CCDC154: variants seen among roughly 807,000 people sequenced by gnomAD.
The protein encoded by CCDC154 is coiled-coil domain containing 154.
A neutral mutation model predicts 87.5 loss-of-function variants in CCDC154; 91 were observed. The ratio of observed to expected loss-of-function variants is 1.04; its 90% CI spans 0.88 to 1.24. The LOEUF is 1.24. Among genes scored for constraint, CCDC154 ranks in the 50% most tolerant of loss-of-function variants. The pLI is 0.00. For missense variants in CCDC154, 903 were observed against 879.2 expected (o/e 1.03, Z -0.34); for synonymous variants, 418 against 400.4 (o/e 1.04, Z -0.52).
chr16:1,442,717 G>A (rs1477548640), intron 5 of CCDC154, among the ~76,000 whole-genome samples, 163 bp downstream of exon 5: 1 of 152,236 alleles, frequency 6.6e-6, no homozygotes, highest in Non-Finnish European at 1.5e-5. Flanking sequence ...CCCACAGAGG[G>A]TCCGCAGCGG....
Position 1,438,125 on chromosome 16 carries a change from A to G in CCDC154, c.1077T>C (p.Tyr359=), listed in dbSNP as rs2038518961. The change falls in exon 10 of 17, where the codon TAT becomes TAC. Residue 359 remains tyrosine, a synonymous_variant. Coordinates refer to ENST00000389176, the MANE Select transcript of CCDC154 (RefSeq NM_001143980.3). ...EESRAGELAA[Y]VQENLEAAQL... ...GTGCGGCCTCCAGGTTCTCCTGCACATAGGCGGCCAGCTCCCCAGCCCGGC... is the reference window on the plus strand; with the variant it reads ...GTGCGGCCTCCAGGTTCTCCTGCACGTAGGCGGCCAGCTCCCCAGCCCGGC... 1.3e-6 allele frequency: 2 copies of G among 1,547,948 alleles called. No individual in the cohort carries two copies. Among genetic ancestry groups the G allele is most frequent in the Admixed American group, 2.0e-5 (1 of 50,906 alleles).
chr16:1,444,221 G>A (rs1424992670), intron 1 of CCDC154, 95 bp downstream of exon 1: 8 of 1,230,196 alleles, frequency 6.5e-6, no homozygotes, highest in Admixed American at 2.5e-5. Context: ...AGGAACAAGC[G>A]AGCTGGAGGG....
intron 11 of CCDC154, 137 bp from the exon 12 acceptor site, chr16:1,436,948 G>C (rs377143043): frequency 8.0e-7 from 1 of 1,251,756 alleles, no homozygotes; most frequent in Non-Finnish European, 1.1e-6. Context: ...GCACAGGCCT[G>C]CAGGCGGCTG....
chr16:1,435,524 G>GT (rs113604759), intron 14 of CCDC154, among the ~76,000 whole-genome samples: 1 of 135,186 alleles, frequency 7.4e-6, no homozygotes, highest in African/African-American at 3.3e-5. Flanking sequence ...TTTTGTTTTT[G>GT]TTTTGTTTTG....
At position 1,443,725 on chromosome 16, in the gene CCDC154, C is replaced by G; in HGVS notation, c.225-30G>C. 2.3e-6 allele frequency: 3 copies of G among 1,299,724 alleles called. No individual in the cohort carries two copies. In the South Asian group the frequency reaches 3.7e-5, roughly 16 times the overall value. 80.5% of individuals were successfully genotyped at this position (1,299,724 alleles called of 1,614,324 possible). ...CCGGGGCGAGAGTGGGCGAGTCTGG[C>G]GGTGCCCGCCGTGGAGGCGGAGGCG... is the stretch of plus-strand genomic sequence containing the variant. On this transcript the variant is annotated intron_variant, in intron 2 of 16. Transcript: ENST00000389176.
rs1383180061 is a variant in CCDC154, at chr16:1,434,523, C to T, written c.1889G>A (p.Trp630Ter). ...CCTGAGCTTTATGAGGGACGCCTTC[C>T]AGCGCAGCCACCTGTCCAGAGATGC... Reference protein sequence around the residue: ...GVYQAVRWLRWKASLIKLRAL... With the variant: ...GVYQAVRWLR The change falls in exon 17 of 17, where the codon TGG (tryptophan) becomes TAG (stop). Residue 630 changes from tryptophan (W) to a stop codon, truncating the protein, a stop_gained. Transcript: ENST00000389176. LOFTEE classifies it low-confidence loss of function (END_TRUNC). The T allele has an allele frequency of 1.9e-6, 3 of 1,546,968 alleles. No homozygotes were observed. Among genetic ancestry groups the T allele is most frequent in the Non-Finnish European group, 2.6e-6 (3 of 1,145,892 alleles).
At position 1,443,489 on chromosome 16, in the gene CCDC154, G is replaced by T. The variant is rs748575112; in HGVS notation, c.414+17C>A. 460 of 1,432,910 alleles carry T rather than the reference G, an allele frequency of 3.2e-4. 1 individual carries two copies. Among genetic ancestry groups the T allele is most frequent in the Admixed American group, 4.1e-4 (15 of 36,186 alleles). 88.8% of individuals were successfully genotyped at this position (1,432,910 alleles called of 1,614,324 possible). ...AGGAAAGGGGCAGCTCGACCTGTGGGTGGGGGAGCCGCTCACCTCCGGCGC... is the reference window on the plus strand; with the variant it reads ...AGGAAAGGGGCAGCTCGACCTGTGGTTGGGGGAGCCGCTCACCTCCGGCGC... On this transcript the variant is annotated intron_variant, in intron 3 of 16. Coordinates refer to ENST00000389176, the MANE Select transcript of CCDC154 (RefSeq NM_001143980.3).
Position 1,443,887 on chromosome 16 carries a change from G to A in CCDC154, c.133C>T (p.Leu45Phe), listed in dbSNP as rs1192528334. 1.5e-6 allele frequency: 2 copies of A among 1,304,202 alleles called. No homozygotes were observed. The highest frequency in any genetic ancestry group is 1.5e-5 in the African/African-American group (1 of 66,016). 80.8% of individuals were successfully genotyped at this position (1,304,202 alleles called of 1,614,324 possible). The change falls in exon 2 of 17, where the codon CTC becomes TTC. Residue 45 changes from leucine to phenylalanine, a missense_variant. By Grantham distance (22) the Leu-to-Phe change is conservative. Transcript: ENST00000389176. The stretch of plus-strand genomic sequence containing the variant: ...TGGCTGGACTCATACCTCTCCGAGA[G>A]CTCCTCCAGGCTCAAGGGCTCGGGG... ...ASPEPLSLEELSERYESSHPT... is the reference protein window; with the variant it reads ...ASPEPLSLEEFSERYESSHPT...
At chr16:1,443,473 G>C (rs369221158) in intron 3 of CCDC154, 33 bp downstream of exon 3, 110 of 1,440,738 alleles carry the variant, frequency 7.6e-5, no homozygotes, top group East Asian at 6.7e-4. Context: ...CAGGAAAGGG[G>C]CAGCTCGACC....
chr16:1,435,996 G>A lies in CCDC154; in HGVS notation c.1578C>T (p.Ile526=), dbSNP rs767862153. The change falls in exon 14 of 17, where the codon ATC becomes ATT. Residue 526 remains isoleucine (I), a synonymous_variant. Coordinates refer to ENST00000389176, the MANE Select transcript of CCDC154 (RefSeq NM_001143980.3). ...LLKEDNPGRK[I]AEMQGKLATF... ...TGGCCAGCTTGCCCTGCATCTCCGC[G>A]ATCTTCCGCCCAGGGTTGTCTTCCT... 5.2e-6 allele frequency: 8 copies of A among 1,550,018 alleles called. No individual in the cohort carries two copies. The highest frequency in any genetic ancestry group is 2.4e-5 in the South Asian group (2 of 84,018).
intron 3 of CCDC154, 53 bp from the exon 4 acceptor site, chr16:1,443,354 C>A: frequency 6.5e-7 from 1 of 1,527,736 alleles, no homozygotes; most frequent in Non-Finnish European, 8.8e-7. Context: ...GGTCTGGCAC[C>A]TGCCCCTGGA....
At chr16:1,442,133 G>C (rs1407478835) in intron 6 of CCDC154, among the ~76,000 whole-genome samples, 2 of 151,560 alleles carry the variant, frequency 1.3e-5, no homozygotes, top group Non-Finnish European at 2.9e-5. Context: ...GGCCAGGCTG[G>C]TCTTGAACTC....
At chr16:1,442,586 G>A in intron 5 of CCDC154, 57 bp from the exon 6 acceptor site, 1 of 1,469,646 alleles carries the variant, frequency 6.8e-7, no homozygotes, top group Non-Finnish European at 9.0e-7. Flanking sequence ...CCAGCAGGGT[G>A]AGGCTGACCC....
At chr16:1,441,465 T>C (rs1039223086) in intron 6 of CCDC154, among the ~76,000 whole-genome samples, 1 of 152,124 alleles carries the variant, frequency 6.6e-6, no homozygotes, top group Admixed American at 6.6e-5. Flanking sequence ...GCTGCTGAAA[T>C]GTGCAGCTGC....
At position 1,436,085 on chromosome 16, in the gene CCDC154, C is replaced by A; in HGVS notation, c.1489G>T (p.Glu497Ter). 6.5e-7 allele frequency: 1 copy of A among 1,549,698 alleles called. No homozygotes were observed. Among genetic ancestry groups the A allele is most frequent in the Non-Finnish European group, 8.7e-7 (1 of 1,146,470 alleles). Residue 497 changes from glutamate to a stop codon, truncating the protein, a stop_gained and splice_region_variant, in exon 14 of 17, where the codon GAG (glutamate) becomes TAG (stop). Coordinates refer to ENST00000389176, the MANE Select transcript of CCDC154 (RefSeq NM_001143980.3). LOFTEE classifies it high-confidence loss of function. The part of the protein sequence containing the change: ...LRISAEGKAR[E>*]FKVGALRQEL... ...TGCCGCAGGGCCCCAACCTTGAACTCCCTATGGGCACCAGAGGCCGAGGCT... is the reference window on the plus strand; with the variant it reads ...TGCCGCAGGGCCCCAACCTTGAACTACCTATGGGCACCAGAGGCCGAGGCT...
At chr16:1,436,124 G>A (rs1421684540) in intron 13 of CCDC154, 38 bp from the exon 14 acceptor site, 1 of 1,516,940 alleles carries the variant, frequency 6.6e-7, no homozygotes, top group African/African-American at 1.4e-5. Flanking sequence ...TGTCGGGTGT[G>A]CTCGGGGGTA....
At chr16:1,443,103 G>T (rs1456071387) in intron 4 of CCDC154, 128 bp from the exon 5 acceptor site, 1 of 1,358,576 alleles carries the variant, frequency 7.4e-7, no homozygotes, top group Non-Finnish European at 1.0e-6. Flanking sequence ...GGCCGCCCAG[G>T]CACGTACAAA....
intron 16 of CCDC154, 46 bp from the exon 17 acceptor site, chr16:1,434,580 C>T (rs904051751): frequency 3.0e-5 from 46 of 1,522,706 alleles, no homozygotes; most frequent in Admixed American, 4.0e-5. Context: ...CGCCCCACCC[C>T]CCATGGCCCA....
At position 1,438,860 on chromosome 16, in the gene CCDC154, C is replaced by T; in HGVS notation, c.861G>A (p.Arg287=). ...CCCGCAGGCGCTCCTCCATCAGCCC[C>T]CGAAGCTTCTCCCACCGGCTCTCCA... The part of the protein sequence containing the change: ...GELESRWEKL[R]GLMEERLRAL... Residue 287 remains arginine, a synonymous_variant, in exon 8 of 17, where the codon CGG becomes CGA. Coordinates refer to ENST00000389176, the MANE Select transcript of CCDC154 (RefSeq NM_001143980.3). 1 of 1,549,060 alleles carries T rather than the reference C, an allele frequency of 6.5e-7. No homozygotes were observed. Among genetic ancestry groups the T allele is most frequent in the Non-Finnish European group, 8.7e-7 (1 of 1,146,668 alleles).
Sources: allele counts gnomAD v4.1 joint callset (sites outside exome capture counted in the v4.1 genomes callset), GRCh38; gene constraint gnomAD v4.1.1; transcripts MANE v1.5; gene names NCBI Gene and HGNC (gene_info 2026-07-23, HGNC 2026-07-21).